The following ZNF438 variants were observed in gnomAD, a reference collection of about 807,000 sequenced individuals.
ZNF438 encodes zinc finger protein 438.
A neutral mutation model predicts 38.0 loss-of-function variants in ZNF438; 25 were observed. The observed-to-expected ratio is 0.66, with a 90% CI of 0.48 to 0.92. ZNF438 has a LOEUF of 0.92. Ranked by LOEUF, ZNF438 falls within the 40% of genes least tolerant of loss-of-function variation. The pLI is 0.00. For missense variants in ZNF438, 1,007 were observed against 999.6 expected (o/e 1.01, Z -0.10); for synonymous variants, 372 against 364.1 (o/e 1.02, Z -0.25).
chr10:31,025,403 T>C (rs983832673), intron 1 of ZNF438, among the ~76,000 whole-genome samples: 12 of 152,350 alleles, frequency 7.9e-5, no homozygotes, highest in African/African-American at 2.6e-4. Flanking sequence ...TTTCTAGACA[T>C]TGCCAAATGT....
chr10:30,945,388 C>T, intron 1 of ZNF438, among the ~76,000 whole-genome samples: 1 of 141,154 alleles, frequency 7.1e-6, no homozygotes, highest in African/African-American at 2.6e-5. Context: ...GATTCTTTTA[C>T]TTTTTTTTTT....
chr10:30,870,621 T>TA (rs1171627506), intron 4 of ZNF438, among the ~76,000 whole-genome samples: 7 of 152,122 alleles, frequency 4.6e-5, no homozygotes, highest in Admixed American at 2.0e-4. Flanking sequence ...AGTTCAATGT[T>TA]AAAAAATTAA....
chr10:31,013,095 G>A (rs1311839859), intron 1 of ZNF438, among the ~76,000 whole-genome samples: 3 of 152,264 alleles, frequency 2.0e-5, no homozygotes, highest in African/African-American at 4.8e-5. Context: ...CGAGGCGGGC[G>A]GATCACGAGG....
chr10:30,874,425 C>T (rs1049826791), intron 4 of ZNF438, among the ~76,000 whole-genome samples: 2 of 151,948 alleles, frequency 1.3e-5, no homozygotes, highest in African/African-American at 4.8e-5. Flanking sequence ...GCTGGGATTA[C>T]AGGTGGGAGC....
At chr10:30,947,902 G>T (rs1250139002) in intron 1 of ZNF438, among the ~76,000 whole-genome samples, 1 of 152,170 alleles carries the variant, frequency 6.6e-6, no homozygotes, top group Non-Finnish European at 1.5e-5. Context: ...CCACTGACCT[G>T]CGCCCACTGT....
At chr10:30,947,545 G>C (rs1453126066) in intron 1 of ZNF438, among the ~76,000 whole-genome samples, 2 of 152,276 alleles carry the variant, frequency 1.3e-5, no homozygotes, top group African/African-American at 4.8e-5. Context: ...AGCTGTGGTG[G>C]GCTCCGCCCA....
intron 3 of ZNF438, among the ~76,000 whole-genome samples, chr10:30,904,606 A>G (rs1040457275): frequency 3.9e-5 from 6 of 152,160 alleles, no homozygotes; most frequent in African/African-American, 9.7e-5. Flanking sequence ...TTTCAAAGCC[A>G]TAACACATTG....
chr10:30,982,589 T>G (rs1489352732), intron 1 of ZNF438, among the ~76,000 whole-genome samples: 1 of 152,190 alleles, frequency 6.6e-6, no homozygotes, highest in East Asian at 1.9e-4. Context: ...TATTCAGGCA[T>G]GGGTCTGTTG....
At chr10:30,947,352 A>ACCATAACAGAACCTAG (rs1240934873) in intron 1 of ZNF438, among the ~76,000 whole-genome samples, 2 of 152,272 alleles carry the variant, frequency 1.3e-5, no homozygotes, top group South Asian at 2.1e-4. Flanking sequence ...CTTACACAGA[A>ACCATAACAGAACCTAG]TTAGAGAACC....
chr10:30,992,471 G>A (rs1286152387), intron 1 of ZNF438, among the ~76,000 whole-genome samples: 3 of 150,012 alleles, frequency 2.0e-5, no homozygotes, highest in East Asian at 2.0e-4. Flanking sequence ...GGAGTGCAAT[G>A]GTGCAATCTC....
chr10:30,962,070 C>T (rs1452108026), intron 1 of ZNF438, among the ~76,000 whole-genome samples: 2 of 146,416 alleles, frequency 1.4e-5, no homozygotes, highest in Non-Finnish European at 3.1e-5. Context: ...GTTACAAAAG[C>T]GAAAAGTCTT....
At chr10:30,866,180 T>C (rs532665113) in intron 4 of ZNF438, among the ~76,000 whole-genome samples, 1 of 152,294 alleles carries the variant, frequency 6.6e-6, no homozygotes, top group Non-Finnish European at 1.5e-5. Context: ...ATGAAATCGT[T>C]CACAGTCAGA....
intron 1 of ZNF438, among the ~76,000 whole-genome samples, chr10:31,003,400 C>G (rs1005518051): frequency 6.6e-6 from 1 of 152,054 alleles, no homozygotes; most frequent in African/African-American, 2.4e-5. Context: ...CCCGTTGGGT[C>G]CCTTGTTTTA....
intron 2 of ZNF438, among the ~76,000 whole-genome samples, chr10:30,915,365 AG>A (rs2043503768): frequency 1.3e-5 from 2 of 152,084 alleles, no homozygotes; most frequent in Non-Finnish European, 2.9e-5. Context: ...TGATAAATGA[AG>A]CAATAAGGCT....
chr10:30,902,022 A>T (rs1197750768), intron 3 of ZNF438, among the ~76,000 whole-genome samples: 1 of 121,094 alleles, frequency 8.3e-6, no homozygotes, highest in Non-Finnish European at 1.9e-5. Flanking sequence ...AGACCTTCGC[A>T]GTGAGTGTTA....
At chr10:30,861,220 C>T (rs886173620) in intron 4 of ZNF438, among the ~76,000 whole-genome samples, 4 of 152,150 alleles carry the variant, frequency 2.6e-5, no homozygotes, top group African/African-American at 9.7e-5. Flanking sequence ...CCTGTATACC[C>T]CAAATCACCT....
chr10:31,031,416 G>A (rs1354192082), intron 1 of ZNF438, among the ~76,000 whole-genome samples: 1 of 152,198 alleles, frequency 6.6e-6, no homozygotes, highest in African/African-American at 2.4e-5. Context: ...CAACGGCCAG[G>A]ACATAGGATT....
intron 4 of ZNF438, among the ~76,000 whole-genome samples, chr10:30,868,261 G>A (rs1374989670): frequency 6.6e-6 from 1 of 151,918 alleles, no homozygotes; most frequent in Non-Finnish European, 1.5e-5. Context: ...AGTAGAGATG[G>A]GGTTTCACTA....
intron 1 of ZNF438, among the ~76,000 whole-genome samples, chr10:31,016,994 G>A (rs370294275): frequency 3.3e-4 from 50 of 152,138 alleles, no homozygotes; most frequent in East Asian, 2.7e-3. Context: ...ATTCACATCC[G>A]TGTAGCTCCT....
Sources: gnomAD v4.1 joint callset for allele counts (sites outside exome capture counted in the v4.1 genomes callset) on GRCh38, gnomAD v4.1.1 for gene constraint, MANE v1.5 for transcripts, NCBI Gene and HGNC (gene_info 2026-07-23, HGNC 2026-07-21) for gene names.